POLA1: variants seen among roughly 807,000 people sequenced by gnomAD.
POLA1 encodes the protein DNA polymerase alpha catalytic subunit.
Under a neutral mutation model 124.0 loss-of-function variants are expected in POLA1, and 15 were observed. That is an observed-to-expected ratio of 0.12 (90% CI 0.08 to 0.19). The LOEUF is 0.19. POLA1 is among the 10% of genes least tolerant of loss of function. The probability of loss-of-function intolerance (pLI) is 1.00; values close to 1 mark genes in which losing one functional copy is unlikely to be tolerated. For synonymous variants in POLA1, 408 were observed against 389.4 expected (o/e 1.05, Z -0.56); for missense variants, 886 against 1,103.4 (o/e 0.80, Z 2.79).
intron 36 of POLA1, among the ~76,000 whole-genome samples, chrX:24,968,098 G>C (rs1184715828): frequency 9.0e-6 from 1 of 111,705 alleles, no homozygotes; most frequent in African/African-American, 3.3e-5. Context: ...TATTCAGAAA[G>C]TACCAACTAG....
chrX:24,714,834 T>C (rs1281040742), intron 5 of POLA1, among the ~76,000 whole-genome samples, 165 bp downstream of exon 5: 1 of 112,680 alleles, frequency 8.9e-6, no homozygotes, highest in Non-Finnish European at 1.9e-5. Flanking sequence ...ACCTCAGTGG[T>C]TGGAACTTGC....
intron 32 of POLA1, among the ~76,000 whole-genome samples, chrX:24,834,570 G>A (rs749480063): frequency 8.9e-6 from 1 of 111,829 alleles, no homozygotes; most frequent in South Asian, 3.7e-4. Flanking sequence ...TCAGGAGTTC[G>A]AGACAAGCCT....
chrX:24,786,389 C>T (rs1016271321), intron 26 of POLA1, among the ~76,000 whole-genome samples: 4 of 112,291 alleles, frequency 3.6e-5, no homozygotes, highest in African/African-American at 1.3e-4. Flanking sequence ...TTGTGATTTG[C>T]GTGTCGCTGA....
At chrX:24,710,420 T>G (rs1929328119) in intron 4 of POLA1, among the ~76,000 whole-genome samples, 1 of 111,938 alleles carries the variant, frequency 8.9e-6, no homozygotes, top group African/African-American at 3.2e-5. Flanking sequence ...AGCAGAAGAT[T>G]TTCAAGTATC....
chrX:24,738,139 GGAA>G (rs1311510858), intron 19 of POLA1, among the ~76,000 whole-genome samples: 2 of 98,503 alleles, frequency 2.0e-5, no homozygotes, highest in Non-Finnish European at 3.9e-5. Flanking sequence ...CGTGAACCCG[GGAA>G]GCGGAGCTTG....
intron 36 of POLA1, 83 bp from the exon 37 acceptor site, chrX:24,995,722 C>A: frequency 1.2e-6 from 1 of 858,390 alleles, no homozygotes; most frequent in Non-Finnish European, 1.7e-6. Flanking sequence ...CAAATGGAAT[C>A]AGCATCCCCT....
intron 26 of POLA1, among the ~76,000 whole-genome samples, chrX:24,799,696 A>G (rs981082095): frequency 1.8e-5 from 2 of 111,850 alleles, no homozygotes; most frequent in Middle Eastern, 4.6e-3. Flanking sequence ...TAGAAAGGCT[A>G]TTTCCTTTGT....
chrX:24,935,790 A>G (rs2047840962), intron 36 of POLA1, among the ~76,000 whole-genome samples: 1 of 112,165 alleles, frequency 8.9e-6, no homozygotes, highest in African/African-American at 3.2e-5. Flanking sequence ...ATAGTTTCCT[A>G]TTGTCCTTTC....
intron 36 of POLA1, among the ~76,000 whole-genome samples, chrX:24,956,571 T>A (rs1009508734): frequency 9.0e-6 from 1 of 110,826 alleles, no homozygotes; most frequent in Non-Finnish European, 1.9e-5. Flanking sequence ...CTACATTCTA[T>A]ATCCCCCGCC....
intron 35 of POLA1, among the ~76,000 whole-genome samples, chrX:24,927,629 T>TA (rs1360782653): frequency 8.9e-6 from 1 of 112,292 alleles, no homozygotes; most frequent in African/African-American, 3.2e-5. Flanking sequence ...ATGTTCTAAC[T>TA]ATAAAGGAAG....
rs980095496 is a variant in POLA1, at chrX:24,984,405, C to A, written c.4262-11400C>A. Among the ~76,000 whole-genome samples, 6 of 111,893 alleles carry A rather than the reference C, an allele frequency of 5.4e-5. No homozygotes were observed. In the East Asian group the frequency reaches 8.4e-4, roughly 16 times the overall value. On this transcript the variant is annotated intron_variant, in intron 36 of 36. Transcript: ENST00000379068. ...TTTCATCTTCTCTGCTATCATTGAA[C>A]CTTCATCTAAGAAGAGCCAAGGAAC...
chrX:24,922,698 A>G (rs1366633148), intron 35 of POLA1, among the ~76,000 whole-genome samples: 2 of 111,688 alleles, frequency 1.8e-5, no homozygotes, highest in Non-Finnish European at 3.8e-5. Context: ...ACTAATCTGT[A>G]GAACCTCATT....
chrX:24,904,384 A>G, intron 35 of POLA1, among the ~76,000 whole-genome samples: 1 of 110,488 alleles, frequency 9.1e-6, no homozygotes, highest in Non-Finnish European at 1.9e-5. Flanking sequence ...TGGCAAAGGT[A>G]ACACCCAGAG....
intron 26 of POLA1, among the ~76,000 whole-genome samples, chrX:24,793,874 C>T (rs1038042542): frequency 4.5e-5 from 5 of 111,215 alleles, no homozygotes; most frequent in East Asian, 5.7e-4. Context: ...TGTGAGCCAC[C>T]GTGCCCGTCC....
intron 34 of POLA1, among the ~76,000 whole-genome samples, chrX:24,843,913 A>C (rs1194744975): frequency 8.9e-6 from 1 of 112,024 alleles, no homozygotes; most frequent in Non-Finnish European, 1.9e-5. Flanking sequence ...TAAATAATGA[A>C]ATTTTTACTT....
chrX:24,862,294 G>A (rs1234967564), intron 34 of POLA1, among the ~76,000 whole-genome samples: 1 of 111,997 alleles, frequency 8.9e-6, no homozygotes, highest in East Asian at 2.8e-4. Flanking sequence ...ATCTTACAGT[G>A]CCTTTCTCAC....
intron 4 of POLA1, among the ~76,000 whole-genome samples, chrX:24,710,132 T>A (rs1309402904): frequency 5.4e-4 from 55 of 102,798 alleles, no homozygotes; most frequent in African/African-American, 1.5e-3. Flanking sequence ...TTTTTTTTTT[T>A]ACTGTGGTAA....
At chrX:24,747,685 G>A (rs1419731384) in intron 24 of POLA1, among the ~76,000 whole-genome samples, 1 of 101,801 alleles carries the variant, frequency 9.8e-6, no homozygotes, top group Non-Finnish European at 2.0e-5. Flanking sequence ...CAAACATGTT[G>A]TTCTCCAGTT....
At chrX:24,856,010 T>A (rs1375573457) in intron 34 of POLA1, among the ~76,000 whole-genome samples, 1 of 112,322 alleles carries the variant, frequency 8.9e-6, no homozygotes, top group Non-Finnish European at 1.9e-5. Context: ...AAAAGATAAC[T>A]TTCCTATATT....
Sources: allele counts gnomAD v4.1 joint callset (sites outside exome capture counted in the v4.1 genomes callset), GRCh38; gene constraint gnomAD v4.1.1; transcripts MANE v1.5; gene names NCBI Gene and HGNC (gene_info 2026-07-23, HGNC 2026-07-21).